Variants in PCDHGB6 observed in about 807,000 individuals in gnomAD.
PCDHGB6 encodes the protein protocadherin gamma subfamily B, 6, also known as protocadherin gamma-B6.
In PCDHGB6, 51 loss-of-function variants were observed where a neutral mutation model predicts 59.1. The ratio of observed to expected loss-of-function variants is 0.86; its 90% CI spans 0.69 to 1.09. PCDHGB6 has a LOEUF of 1.09. Among genes scored for constraint, PCDHGB6 ranks in the 50% least tolerant of loss-of-function variants. The probability of loss-of-function intolerance (pLI) is 0.00; values close to 1 mark genes in which losing one functional copy is unlikely to be tolerated. For missense variants in PCDHGB6, 1,148 were observed against 1,205.1 expected (o/e 0.95, Z 0.70); for synonymous variants, 466 against 495.1 (o/e 0.94, Z 0.78).
Position 141,486,859 on chromosome 5 carries a change from T to C in PCDHGB6, c.2419-7948T>C, listed in dbSNP as rs1231188225. ...TTGTGCTGGACCTCAATGACAATGC[T>C]CCAGCTGTGCTCCGTCCTCGGGCCC... On this transcript the variant is annotated intron_variant, in intron 1 of 3. Transcript: ENST00000520790. The surrounding 1 kb of genome is among the most constrained non-coding windows in gnomAD (Gnocchi z 5.0). The C allele has an allele frequency of 1.9e-6, 3 of 1,614,242 alleles. No individual in the cohort carries two copies. The highest frequency in any genetic ancestry group is 2.7e-5 in the African/African-American group (2 of 75,072).
intron 3 of PCDHGB6, among the ~76,000 whole-genome samples, chr5:141,509,381 C>T (rs181928019): frequency 6.6e-6 from 1 of 152,256 alleles, no homozygotes; most frequent in East Asian, 1.9e-4. Flanking sequence ...TGTCTCCTAA[C>T]CACAGAGGAT....
intron 1 of PCDHGB6, among the ~76,000 whole-genome samples, chr5:141,480,216 C>T (rs1055544952): frequency 1.9e-4 from 28 of 147,036 alleles, no homozygotes; most frequent in Non-Finnish European, 3.6e-4. Flanking sequence ...CCAGCCTGAG[C>T]GACATAGTGA....
intron 2 of PCDHGB6, among the ~76,000 whole-genome samples, chr5:141,496,841 G>C (rs2099771828): frequency 6.6e-6 from 1 of 151,398 alleles, no homozygotes; most frequent in South Asian, 2.1e-4. Context: ...GAACTCATAG[G>C]CTTCCAGACC....
intron 1 of PCDHGB6, chr5:141,427,300 A>G: frequency 2.2e-6 from 1 of 456,912 alleles, no homozygotes; most frequent in Non-Finnish European, 4.4e-6. Flanking sequence ...CTAGATGAGA[A>G]TGACAATGCC....
At chr5:141,436,707 T>C (rs985035872) in intron 1 of PCDHGB6, among the ~76,000 whole-genome samples, 18 of 152,208 alleles carry the variant, frequency 1.2e-4, no homozygotes, top group African/African-American at 4.3e-4. Context: ...GCACACTCGA[T>C]GTTCTGTTGG....
intron 1 of PCDHGB6, chr5:141,422,963 C>G (rs372620011): frequency 1.1e-5 from 17 of 1,614,238 alleles, no homozygotes; most frequent in Non-Finnish European, 1.4e-5. Context: ...GTGGAGCTGG[C>G]GCCCCGCTCT....
chr5:141,409,616 G>T lies in PCDHGB6; in HGVS notation c.1414G>T (p.Ala472Ser). 6.2e-7 allele frequency: 1 copy of T among 1,613,882 alleles called. No individual in the cohort carries two copies. The highest frequency in any genetic ancestry group is 1.3e-5 in the African/African-American group (1 of 75,070). ...GAACAACCCGCCAGGAGCCTCCATT[G>T]CGCAAGTGAGCGCCTCTGACCCGGA... ...AENNPPGASIAQVSASDPDLG... is the reference protein window; with the variant it reads ...AENNPPGASISQVSASDPDLG... Residue 472 changes from alanine (A) to serine (S), a missense_variant, in exon 1 of 4, where the codon GCG (alanine) becomes TCG (serine). Ala to Ser is a moderately conservative substitution (Grantham distance 99). Transcript: ENST00000520790.
Position 141,485,057 on chromosome 5 carries a change from C to T in PCDHGB6, c.2419-9750C>T. 1 of 843,720 alleles carries T rather than the reference C, an allele frequency of 1.2e-6. No individual in the cohort carries two copies. The highest frequency in any genetic ancestry group is 1.9e-6 in the Non-Finnish European group (1 of 524,586). 52.3% of individuals were successfully genotyped at this position (843,720 alleles called of 1,614,324 possible). On this transcript the variant is annotated intron_variant, in intron 1 of 3. Transcript: ENST00000520790. This position sits in a 1 kb window ranked among gnomAD's most constrained non-coding sequence, Gnocchi z 5.7. The stretch of plus-strand genomic sequence containing the variant: ...GTAACCCTTGCGGCGCCGGCCGAAC[C>T]GCGCCAGAGCTGGCGCGGGGAAAGG...
At chr5:141,469,408 C>A (rs765861544) in intron 1 of PCDHGB6, among the ~76,000 whole-genome samples, 20 of 152,008 alleles carry the variant, frequency 1.3e-4, no homozygotes, top group Non-Finnish European at 2.6e-4. Flanking sequence ...AACCCCGTTT[C>A]TACTAAAAAT....
intron 1 of PCDHGB6, 48 bp from the exon 2 acceptor site, chr5:141,494,759 C>CT: frequency 6.2e-7 from 1 of 1,613,886 alleles, no homozygotes; most frequent in Non-Finnish European, 8.5e-7. Flanking sequence ...GGGTGACATT[C>CT]TAACTTCTCA....
Position 141,414,170 on chromosome 5 carries a change from T to C in PCDHGB6, c.2418+3550T>C, listed in dbSNP as rs1411353386. The C allele has an allele frequency of 6.2e-7, 1 of 1,606,208 alleles. No homozygotes were observed. The highest frequency in any genetic ancestry group is 1.7e-5 in the Admixed American group (1 of 58,580). The stretch of plus-strand genomic sequence containing the variant: ...CAAGCAGAAGATGGAGGAGCATATC[T>C]TGCAACTGCAAAAGTGTTGATTACA... On this transcript the variant is annotated intron_variant, in intron 1 of 3. Coordinates refer to ENST00000520790, the MANE Select transcript of PCDHGB6 (RefSeq NM_018926.3).
At chr5:141,443,760 T>C (rs894568340) in intron 1 of PCDHGB6, among the ~76,000 whole-genome samples, 20 of 152,040 alleles carry the variant, frequency 1.3e-4, no homozygotes, top group African/African-American at 4.6e-4. Context: ...AAGCTTACAA[T>C]ATACAATATT....
chr5:141,466,118 G>A lies in PCDHGB6; in HGVS notation c.2419-28689G>A, dbSNP rs1299389265. ...GCCTGGGCAACAGAGTGAGACTCCA[G>A]CTCAAAAAAAAAATCAAGTGAAAAC... On this transcript the variant is annotated intron_variant, in intron 1 of 3. Coordinates refer to ENST00000520790, the MANE Select transcript of PCDHGB6 (RefSeq NM_018926.3). Among the ~76,000 whole-genome samples the A allele has an allele frequency of 2.0e-5, 3 of 151,096 alleles. No individual in the cohort carries two copies. The East Asian group carries it at 5.8e-4, about 29-fold the overall frequency.
chr5:141,418,597 G>T, intron 1 of PCDHGB6: 7 of 1,614,052 alleles, frequency 4.3e-6, no homozygotes, highest in South Asian at 1.1e-5. Flanking sequence ...GCCAGGACGT[G>T]TACAGGGTTA....
chr5:141,455,159 G>GTT (rs1390145608), intron 1 of PCDHGB6, among the ~76,000 whole-genome samples: 4 of 144,860 alleles, frequency 2.8e-5, no homozygotes, highest in African/African-American at 7.8e-5. Context: ...TTAGTTTGTT[G>GTT]GTTTTTTTTT....
rs576937130 is a variant in PCDHGB6 at position 141,427,508 on chromosome 5, G to A, written c.2418+16888G>A. ...ATAAGCTTGTAACAGATGGGACCCT[G>A]GATTGGGAGCGGATCCCGGAGTACA... On this transcript the variant is annotated intron_variant, in intron 1 of 3. Transcript: ENST00000520790. 9.9e-4 allele frequency: 584 copies of A among 587,058 alleles called. 6 individuals carry two copies. The highest frequency in any genetic ancestry group is 3.0e-4 in the Non-Finnish European group (94 of 311,294). The allele number at this position is 587,058 out of a possible 1,614,324, so 36.4% of individuals were successfully genotyped here.
Position 141,477,849 on chromosome 5 carries a change from A to G in PCDHGB6, c.2419-16958A>G. ...CCTCGGCCAGGTGGGAGCTCGGTGGAGATGCTGCCTCGAGGTACCTCAGCT... is the reference window on the plus strand; with the variant it reads ...CCTCGGCCAGGTGGGAGCTCGGTGGGGATGCTGCCTCGAGGTACCTCAGCT... On this transcript the variant is annotated intron_variant, in intron 1 of 3. Transcript: ENST00000520790. This position sits in a 1 kb window ranked among gnomAD's most constrained non-coding sequence, Gnocchi z 4.9. The G allele has an allele frequency of 6.8e-6, 11 of 1,612,812 alleles. No individual in the cohort carries two copies. Among genetic ancestry groups the G allele is most frequent in the Non-Finnish European group, 8.5e-6 (10 of 1,179,548 alleles).
intron 1 of PCDHGB6, chr5:141,441,477 C>T (rs529495102): frequency 1.2e-4 from 20 of 170,782 alleles, no homozygotes; most frequent in Middle Eastern, 5.7e-4. Context: ...ATGCCAACGA[C>T]AATGCTCTGG....
At position 141,511,648 on chromosome 5, in the gene PCDHGB6, G is replaced by T. The variant is rs553080689; in HGVS notation, c.*475G>T. The T allele has an allele frequency of 1.4e-5, 3 of 214,700 alleles. No homozygotes were observed. Among genetic ancestry groups the T allele is most frequent in the East Asian group, 2.1e-4 (2 of 9,414 alleles). The allele number at this position is 214,700 out of a possible 1,614,324, so 13.3% of individuals were successfully genotyped here. A position where few individuals can be genotyped will look rare whatever the true frequency, so the allele number is the denominator to read the frequency against. On this transcript the variant is annotated 3_prime_UTR_variant, in exon 4 of 4. Coordinates refer to ENST00000520790, the MANE Select transcript of PCDHGB6 (RefSeq NM_018926.3). ...AGTTGGAAGGGCATCATGACCTCTTGGCCTCTCCTTTGATTCTCAATCTTC... is the reference window on the plus strand; with the variant it reads ...AGTTGGAAGGGCATCATGACCTCTTTGCCTCTCCTTTGATTCTCAATCTTC...
Sources: gnomAD v4.1 joint callset for allele counts (sites outside exome capture counted in the v4.1 genomes callset) on GRCh38, gnomAD v4.1.1 for gene constraint, Gnocchi (gnomAD v3.1) non-coding constraint, MANE v1.5 for transcripts, NCBI Gene and HGNC (gene_info 2026-07-23, HGNC 2026-07-21) for gene names.